Variants in SNX8 observed in about 807,000 individuals in gnomAD.
SNX8 encodes the protein sorting nexin 8, also known as sorting nexin-8.
In SNX8, 25 loss-of-function variants were observed where a neutral mutation model predicts 51.6. That is an observed-to-expected ratio of 0.48 (90% confidence interval 0.35 to 0.68). The LOEUF is 0.68. Among genes scored for constraint, SNX8 ranks in the 30% least tolerant of loss-of-function variants. SNX8 has a pLI of 0.00. For synonymous variants in SNX8, 324 were observed against 277.0 expected (o/e 1.17, Z -1.68); for missense variants, 695 against 624.0 (o/e 1.11, Z -1.21).
rs192997715 is a variant in SNX8, at chr7:2,277,774, T to A, written c.300+326A>T. ...GTGAGCCGAGATCATGCCACTGCAC[T>A]CCAGCCTGGGCGACAGAGCAAGACT... is the stretch of plus-strand genomic sequence containing the variant. On this transcript the variant is annotated intron_variant, in intron 2 of 10. Coordinates refer to ENST00000222990, the MANE Select transcript of SNX8 (RefSeq NM_013321.4). 6.0e-3 allele frequency among the ~76,000 whole-genome samples: 901 copies of A among 150,902 alleles called. 6 individuals carry two copies. The highest frequency in any genetic ancestry group is 1.0e-2 in the Non-Finnish European group (676 of 67,804).
rs936159674 is a variant in SNX8 at position 2,257,464 on chromosome 7, G to T, written c.1035C>A (p.Ala345=). The change falls in exon 9 of 11, where the codon GCC becomes GCA. Residue 345 remains alanine (A), a synonymous_variant. Transcript: ENST00000222990. ...EKGVLHKHQR[A]LHKYSLMKRQ... Reference sequence around the variant, plus strand: ...TCTTCATCAGGCTGTACTTGTGCAGGGCCCGCTGGTGCTTGTGCAACACGC... The same window carrying T: ...TCTTCATCAGGCTGTACTTGTGCAGTGCCCGCTGGTGCTTGTGCAACACGC... The T allele has an allele frequency of 5.6e-6, 9 of 1,608,406 alleles. No individual in the cohort carries two copies. Among genetic ancestry groups the T allele is most frequent in the Non-Finnish European group, 7.6e-6 (9 of 1,178,624 alleles).
rs752254904 is a variant in SNX8 at position 2,264,438 on chromosome 7, G to A, written c.642C>T (p.Ile214=). The change falls in exon 6 of 11, where the codon ATC becomes ATT. Residue 214 remains isoleucine (I), a synonymous_variant. Transcript: ENST00000222990. ...TRAKDFLPAD[I]QAQFAISREL... ...CCCGGCTGATGGCAAACTGAGCCTG[G>A]ATGTCAGCTGGGAGGAAGTCCTGAC... The A allele has an allele frequency of 6.2e-7, 1 of 1,611,516 alleles. No homozygotes were observed. Among genetic ancestry groups the A allele is most frequent in the African/African-American group, 1.3e-5 (1 of 75,050 alleles).
At position 2,257,040 on chromosome 7, in the gene SNX8, C is replaced by T. The variant is rs766513796; in HGVS notation, c.1135-17G>A. 2.5e-6 allele frequency: 4 copies of T among 1,588,392 alleles called. No homozygotes were observed. In the South Asian group the frequency reaches 4.5e-5, roughly 18 times the overall value. On this transcript the variant is annotated splice_polypyrimidine_tract_variant and intron_variant, in intron 9 of 10. Coordinates refer to ENST00000222990, the MANE Select transcript of SNX8 (RefSeq NM_013321.4). The stretch of plus-strand genomic sequence containing the variant: ...GTTCTCCTGCTGCGGAGCAAACAGC[C>T]GCCTTTCGCACCCGGCCCAGCCGGC...
In SNX8 at chr7:2,350,805, C is replaced by G. The variant is rs1036733573; in HGVS notation, c.-66+3417G>C. Among the ~76,000 whole-genome samples, 5 of 152,216 alleles carry G rather than the reference C, an allele frequency of 3.3e-5. No homozygotes were observed. The East Asian group carries it at 7.8e-4, about 24-fold the overall frequency. On this transcript the variant is annotated intron_variant, in intron 1 of 5. Transcript: ENST00000435336. ...GGGATTACAGGCGCCTGCGGCCACA[C>G]CCGGCTAAATTTTGTATTTTTAGTA... is the stretch of plus-strand genomic sequence containing the variant.
intron 1 of SNX8, among the ~76,000 whole-genome samples, chr7:2,337,625 GCAGA>G (rs1209073391): frequency 3.3e-5 from 5 of 152,090 alleles, no homozygotes; most frequent in Admixed American, 2.6e-4. Context: ...CTCAAGGGAA[GCAGA>G]CAGAGAGCAA....
At chr7:2,304,166 CAA>C (rs554309852) in intron 1 of SNX8, among the ~76,000 whole-genome samples, 23 of 76,572 alleles carry the variant, frequency 3.0e-4, no homozygotes, top group Non-Finnish European at 2.4e-4. Flanking sequence ...GACTCCGTCT[CAA>C]AAAAAAAAAA....
intron 1 of SNX8, among the ~76,000 whole-genome samples, chr7:2,284,092 G>T (rs958032035): frequency 6.6e-6 from 1 of 152,124 alleles, no homozygotes; most frequent in African/African-American, 2.4e-5. Flanking sequence ...ACCACGCCCG[G>T]CTAATTTTTG....
At chr7:2,258,228 G>A (rs758518741) in intron 7 of SNX8, among the ~76,000 whole-genome samples, 2 of 152,180 alleles carry the variant, frequency 1.3e-5, no homozygotes, top group Middle Eastern at 3.4e-3. Context: ...GTGTTAGCGA[G>A]GATGGTCTTG....
intron 1 of SNX8, among the ~76,000 whole-genome samples, chr7:2,334,199 C>A (rs992077450): frequency 6.6e-6 from 1 of 152,126 alleles, no homozygotes; most frequent in East Asian, 1.9e-4. Context: ...GTCAGCAGAT[C>A]GAGACCATCT....
At chr7:2,330,444 A>G (rs1025141225) in intron 1 of SNX8, among the ~76,000 whole-genome samples, 2 of 151,990 alleles carry the variant, frequency 1.3e-5, no homozygotes, top group East Asian at 1.9e-4. Flanking sequence ...GCCCTTTTGC[A>G]ATATCCTTTC....
At chr7:2,280,673 T>C (rs1483422674) in intron 1 of SNX8, among the ~76,000 whole-genome samples, 1 of 152,192 alleles carries the variant, frequency 6.6e-6, no homozygotes, top group Non-Finnish European at 1.5e-5. Context: ...AAACACATTT[T>C]AAATCAAAGA....
intron 1 of SNX8, among the ~76,000 whole-genome samples, chr7:2,330,780 A>C (rs1393364267): frequency 2.0e-5 from 3 of 152,244 alleles, no homozygotes; most frequent in East Asian, 3.9e-4. Context: ...TGGGGGAATG[A>C]GAATGCAGGA....
chr7:2,341,052 C>A (rs1372142605), intron 1 of SNX8, among the ~76,000 whole-genome samples: 1 of 150,606 alleles, frequency 6.6e-6, no homozygotes, highest in East Asian at 1.9e-4. Flanking sequence ...GGCATGCATC[C>A]CCAGCTACTC....
chr7:2,317,015 GAGGGTGA>G (rs1372979802), upstream of SNX8, among the ~76,000 whole-genome samples: 2 of 152,192 alleles, frequency 1.3e-5, no homozygotes, highest in East Asian at 3.8e-4. Context: ...CACCGCAGAA[GAGGGTGA>G]AGGGTGAAGG....
At chr7:2,264,216 C>T (rs2115102940) in intron 6 of SNX8, 82 bp downstream of exon 6, 12 of 1,387,996 alleles carry the variant, frequency 8.6e-6, no homozygotes, top group South Asian at 3.9e-5. Flanking sequence ...TTACGGTAAA[C>T]GCACTTTCCG....
chr7:2,303,275 G>C (rs1292634303), intron 1 of SNX8, among the ~76,000 whole-genome samples: 47 of 147,540 alleles, frequency 3.2e-4, no homozygotes, highest in African/African-American at 8.9e-4. Context: ...CCGTCCGGGA[G>C]GGAGGTGGGG....
chr7:2,323,348 A>C (rs976625238), intron 1 of SNX8, among the ~76,000 whole-genome samples: 4 of 138,640 alleles, frequency 2.9e-5, no homozygotes, highest in Non-Finnish European at 3.1e-5. Context: ...AAAAAAAAAA[A>C]ACAACCAAAC....
At chr7:2,319,533 G>C (rs1259430407) in intron 1 of SNX8, among the ~76,000 whole-genome samples, 3 of 145,240 alleles carry the variant, frequency 2.1e-5, no homozygotes, top group Non-Finnish European at 4.6e-5. Flanking sequence ...AGCTAGGTGT[G>C]GGCCAGGCGC....
rs1167291448 is a variant in SNX8 at position 2,254,713 on chromosome 7, C to T, written c.*343G>A. ...GCTGCCCCTCCCGACTGTTCCAGCA[C>T]CTGGAGGCCCTGCCTCCACGCTCCC... On this transcript the variant is annotated 3_prime_UTR_variant, in exon 11 of 11. Transcript: ENST00000222990. The T allele has an allele frequency of 8.7e-6, 3 of 346,002 alleles. No individual in the cohort carries two copies. The highest frequency in any genetic ancestry group is 1.6e-5 in the Non-Finnish European group (3 of 184,734). 21.4% of individuals were successfully genotyped at this position (346,002 alleles called of 1,614,324 possible).
Sources: allele counts gnomAD v4.1 joint callset (sites outside exome capture counted in the v4.1 genomes callset), GRCh38; gene constraint gnomAD v4.1.1; transcripts MANE v1.5; gene names NCBI Gene and HGNC (gene_info 2026-07-23, HGNC 2026-07-21).